Variants in IFT43 observed in about 807,000 individuals in gnomAD.
IFT43 encodes intraflagellar transport protein 43 homolog.
IFT43 carries 33 observed loss-of-function variants against 32.3 expected under a neutral mutation model. That is an observed-to-expected ratio of 1.02 (90% CI 0.77 to 1.37). The LOEUF is 1.37. Among genes scored for constraint, IFT43 ranks in the 40% most tolerant of loss-of-function variants. The pLI is 0.00. For missense variants in IFT43, 274 were observed against 265.9 expected, an observed-to-expected ratio of 1.03 and a Z score of -0.21; for synonymous variants, 93 against 98.2, an observed-to-expected ratio of 0.95 and a Z score of 0.31.
chr14:76,056,137 C>T (rs1386581982), intron 3 of IFT43, among the ~76,000 whole-genome samples: 1 of 152,162 alleles, frequency 6.6e-6, no homozygotes, highest in African/African-American at 2.4e-5. Context: ...CATCTGCAGG[C>T]TAGGTAAGGC....
At chr14:76,052,124 C>T (rs922407211) in intron 3 of IFT43, among the ~76,000 whole-genome samples, 1 of 152,004 alleles carries the variant, frequency 6.6e-6, no homozygotes, top group African/African-American at 2.4e-5. Flanking sequence ...TATTAAGAGA[C>T]TTCAAGGACG....
intron 2 of IFT43, among the ~76,000 whole-genome samples, chr14:76,009,719 A>G (rs2139920460): frequency 6.6e-6 from 1 of 152,320 alleles, no homozygotes; most frequent in East Asian, 1.9e-4. Flanking sequence ...AGCATGAAGA[A>G]GAACCCAGGG....
rs1397506258 is a variant in IFT43 at position 75,999,254 on chromosome 14, TATATATATATATATATATGTATA to T, written c.147+10278_147+10300del. 7.2e-3 allele frequency among the ~76,000 whole-genome samples: 72 copies of T among 9,982 alleles called. 2 individuals carry two copies. Among genetic ancestry groups the T allele is most frequent in the African/African-American group, 0.025 (64 of 2,542 alleles). The allele number at this position is 9,982 out of a possible 152,430, so 6.5% of individuals were successfully genotyped here. A position where few individuals can be genotyped will look rare whatever the true frequency, so the allele number is the denominator to read the frequency against. On this transcript the variant is annotated intron_variant, in intron 2 of 8. Coordinates refer to ENST00000314067, the MANE Select transcript of IFT43 (RefSeq NM_001102564.3). ...ATATATATATATATATATATATATA[TATATATATATATATATATGTATA>T]TATATTTTTTTTTTTTTTTTTTTAA...
Position 75,999,272 on chromosome 14 carries a change from TGTATATATA to T in IFT43, c.147+10296_147+10304del, listed in dbSNP as rs1431939376. ...ATATATATATATATATATATATATA[TGTATATATA>T]TTTTTTTTTTTTTTTTTTTAATTTT... On this transcript the variant is annotated intron_variant, in intron 2 of 8. Transcript: ENST00000314067. 8.1e-3 allele frequency among the ~76,000 whole-genome samples: 213 copies of T among 26,446 alleles called. 3 individuals carry two copies. The highest frequency in any genetic ancestry group is 0.015 in the African/African-American group (68 of 4,654). The allele number at this position is 26,446 out of a possible 152,430, so 17.3% of individuals were successfully genotyped here. A position where few individuals can be genotyped will look rare whatever the true frequency, so the allele number is the denominator to read the frequency against.
At chr14:76,011,942 A>T (rs1951628168) in intron 2 of IFT43, among the ~76,000 whole-genome samples, 1 of 152,208 alleles carries the variant, frequency 6.6e-6, no homozygotes, top group South Asian at 2.1e-4. Flanking sequence ...CTTGCCAAGC[A>T]TATAAAGAAC....
At chr14:76,003,059 A>G (rs75603059) in intron 2 of IFT43, among the ~76,000 whole-genome samples, 146 of 152,380 alleles carry the variant, frequency 9.6e-4, no homozygotes, top group Non-Finnish European at 1.9e-3. Flanking sequence ...AAAGGAGCAG[A>G]ATGATAGTAA....
At chr14:75,999,249 A>ATAAATTCAT (rs1555362908) in intron 2 of IFT43, among the ~76,000 whole-genome samples, 4 of 13,792 alleles carry the variant, frequency 2.9e-4, no homozygotes, top group Non-Finnish European at 5.2e-4. Flanking sequence ...ATATATATAT[A>ATAAATTCAT]TATATATATA....
chr14:76,063,571 T>A (rs915839864), intron 5 of IFT43, among the ~76,000 whole-genome samples: 2 of 152,230 alleles, frequency 1.3e-5, no homozygotes, highest in Non-Finnish European at 2.9e-5. Flanking sequence ...TTTCCTGCTC[T>A]CAGGAATCAA....
chr14:76,037,736 G>A (rs184610151), intron 3 of IFT43, among the ~76,000 whole-genome samples: 1 of 149,642 alleles, frequency 6.7e-6, no homozygotes, highest in Non-Finnish European at 1.5e-5. Flanking sequence ...AGCTGCAGCT[G>A]CCTTTGCCTT....
chr14:76,008,582 G>T (rs779014165), intron 2 of IFT43, among the ~76,000 whole-genome samples: 1 of 152,022 alleles, frequency 6.6e-6, no homozygotes, highest in African/African-American at 2.4e-5. Context: ...ATTTGAACCC[G>T]GGACTGTCCC....
chr14:76,083,587 C>G lies in IFT43; in HGVS notation c.*10C>G. ...GGCCAGGCACACCTGAGCCCGTCAC[C>G]CATGCTCTAGACATGAAGAAATGCA... On this transcript the variant is annotated 3_prime_UTR_variant, in exon 9 of 9. Coordinates refer to ENST00000314067, the MANE Select transcript of IFT43 (RefSeq NM_001102564.3). 6.2e-7 allele frequency: 1 copy of G among 1,613,590 alleles called. No homozygotes were observed. The highest frequency in any genetic ancestry group is 8.5e-7 in the Non-Finnish European group (1 of 1,179,946).
rs527969882 is a variant in IFT43 at position 76,074,281 on chromosome 14, T to C, written c.296-8014T>C. Among the ~76,000 whole-genome samples the C allele has an allele frequency of 3.9e-4, 59 of 152,280 alleles. No homozygotes were observed. In the South Asian group the frequency reaches 5.8e-3, roughly 15 times the overall value. On this transcript the variant is annotated intron_variant, in intron 5 of 8. Transcript: ENST00000314067. ...TGAAGAGAGTGGAGAGTTCCTCAGCTTCCGTTCCTTCTAGCCACTTTATTT... is the reference window on the plus strand; with the variant it reads ...TGAAGAGAGTGGAGAGTTCCTCAGCCTCCGTTCCTTCTAGCCACTTTATTT...
intron 3 of IFT43, among the ~76,000 whole-genome samples, chr14:76,040,093 C>T (rs962237484): frequency 3.9e-5 from 6 of 152,166 alleles, no homozygotes; most frequent in Non-Finnish European, 7.3e-5. Context: ...GCTGGGACTG[C>T]AGGTGTGTGT....
intron 5 of IFT43, among the ~76,000 whole-genome samples, chr14:76,078,678 T>C (rs763870845): frequency 5.9e-5 from 9 of 152,212 alleles, no homozygotes; most frequent in Non-Finnish European, 1.2e-4. Context: ...GGAAGGAGTC[T>C]TCTGTTTAAG....
At position 76,082,601 on chromosome 14, in the gene IFT43, T is replaced by G. The variant is rs2037531617; in HGVS notation, c.369-16T>G. The G allele has an allele frequency of 1.2e-6, 2 of 1,614,010 alleles. No homozygotes were observed. Among genetic ancestry groups the G allele is most frequent in the African/African-American group, 1.3e-5 (1 of 74,904 alleles). The stretch of plus-strand genomic sequence containing the variant: ...CCTGCCTGGGGTTCCCGCCTCTCGC[T>G]CTCTCTTTCCTTCAGCATCCAGATA... On this transcript the variant is annotated splice_polypyrimidine_tract_variant and intron_variant, in intron 6 of 8. Coordinates refer to ENST00000314067, the MANE Select transcript of IFT43 (RefSeq NM_001102564.3).
intron 2 of IFT43, among the ~76,000 whole-genome samples, chr14:75,990,782 G>A (rs1002269675): frequency 6.6e-6 from 1 of 152,192 alleles, no homozygotes; most frequent in Non-Finnish European, 1.5e-5. Flanking sequence ...AGAAAACGCG[G>A]AAGCAAATGA....
chr14:76,039,894 T>G (rs1022366344), intron 3 of IFT43, among the ~76,000 whole-genome samples: 3 of 152,188 alleles, frequency 2.0e-5, no homozygotes, highest in African/African-American at 7.2e-5. Flanking sequence ...TCTGCACTTT[T>G]AAAAAAATCT....
At chr14:76,077,867 C>T (rs2140092103) in intron 5 of IFT43, among the ~76,000 whole-genome samples, 1 of 152,304 alleles carries the variant, frequency 6.6e-6, no homozygotes, top group African/African-American at 2.4e-5. Context: ...TCCTGATTCT[C>T]CTTCAGCTTC....
chr14:76,017,757 T>C (rs1051961536), intron 2 of IFT43, among the ~76,000 whole-genome samples: 1 of 152,154 alleles, frequency 6.6e-6, no homozygotes, highest in Admixed American at 6.5e-5. Flanking sequence ...AGGTTTTCTA[T>C]TTCTTCCTGG....
Sources: gnomAD v4.1 joint callset for allele counts (sites outside exome capture counted in the v4.1 genomes callset) on GRCh38, gnomAD v4.1.1 for gene constraint, MANE v1.5 for transcripts, NCBI Gene and HGNC (gene_info 2026-07-23, HGNC 2026-07-21) for gene names.